The following HEMK2 variants were observed in gnomAD, a reference collection of about 807,000 sequenced individuals.
The protein encoded by HEMK2 is HemK methyltransferase 2, ETF1 glutamine and histone H4 lysine, also known as methyltransferase HEMK2.
At chr21:28,583,672 T>C in the HEMK2 span, among the ~76,000 whole-genome samples, 1 of 152,208 alleles carries the variant, frequency 6.6e-6, no homozygotes, top group Non-Finnish European at 1.5e-5. Flanking sequence ...GTACCATAAT[T>C]GGAAGTCTTG....
chr21:28,595,719 C>A, the HEMK2 span, among the ~76,000 whole-genome samples: 1 of 152,082 alleles, frequency 6.6e-6, no homozygotes, highest in East Asian at 1.9e-4. Context: ...CATTGTATGG[C>A]AACTCTATTT....
At chr21:28,645,853 T>TA in the HEMK2 span, among the ~76,000 whole-genome samples, 2 of 152,174 alleles carry the variant, frequency 1.3e-5, no homozygotes, top group Admixed American at 1.3e-4. Flanking sequence ...GCCTTGCTCT[T>TA]AGACTTTCCA....
At chr21:28,634,065 G>A in the HEMK2 span, among the ~76,000 whole-genome samples, 1 of 152,300 alleles carries the variant, frequency 6.6e-6, no homozygotes, top group East Asian at 1.9e-4. Context: ...CTGACTGCCC[G>A]TGGCGTCACT....
the HEMK2 span, among the ~76,000 whole-genome samples, chr21:28,880,502 C>T: frequency 1.3e-5 from 2 of 152,068 alleles, no homozygotes; most frequent in Non-Finnish European, 2.9e-5. Flanking sequence ...GAGGCCGAGG[C>T]GGGCGGATCA....
chr21:28,614,657 G>T, the HEMK2 span, among the ~76,000 whole-genome samples: 1 of 152,130 alleles, frequency 6.6e-6, no homozygotes, highest in Non-Finnish European at 1.5e-5. Flanking sequence ...ATATAAATTA[G>T]ATTACAGTGA....
At chr21:28,843,797 T>C in the HEMK2 span, among the ~76,000 whole-genome samples, 1 of 152,168 alleles carries the variant, frequency 6.6e-6, no homozygotes, top group African/African-American at 2.4e-5. Context: ...GTATTTTACA[T>C]GCCATTATCC....
At chr21:28,581,263 A>C in the HEMK2 span, among the ~76,000 whole-genome samples, 3 of 152,012 alleles carry the variant, frequency 2.0e-5, no homozygotes, top group South Asian at 4.2e-4. Flanking sequence ...CAAGGAACAA[A>C]AGAAGCCTAG....
the HEMK2 span, among the ~76,000 whole-genome samples, chr21:28,605,214 TG>T: frequency 9.2e-5 from 14 of 152,368 alleles, no homozygotes; most frequent in African/African-American, 3.4e-4. Flanking sequence ...ATTAGAATGC[TG>T]GTTGTTTTGA....
At chr21:28,705,639 C>T in the HEMK2 span, among the ~76,000 whole-genome samples, 1 of 152,146 alleles carries the variant, frequency 6.6e-6, no homozygotes, top group Non-Finnish European at 1.5e-5. Flanking sequence ...TTACCATAAA[C>T]TTAGAGGTTT....
At chr21:28,771,923 G>A in the HEMK2 span, among the ~76,000 whole-genome samples, 1 of 151,792 alleles carries the variant, frequency 6.6e-6, no homozygotes, top group Non-Finnish European at 1.5e-5. Context: ...GGGGTGAGGA[G>A]AGTGGTTACC....
the HEMK2 span, among the ~76,000 whole-genome samples, chr21:28,762,427 T>G: frequency 4.4e-5 from 6 of 136,996 alleles, no homozygotes; most frequent in Non-Finnish European, 7.4e-5. Context: ...TCCAGCCCAC[T>G]ATAAAAACAA....
the HEMK2 span, among the ~76,000 whole-genome samples, chr21:28,738,233 T>A: frequency 6.6e-6 from 1 of 152,214 alleles, no homozygotes; most frequent in South Asian, 2.1e-4. Flanking sequence ...GTGTTCTGTA[T>A]TATTTCCACA....
At chr21:28,624,924 T>C in the HEMK2 span, among the ~76,000 whole-genome samples, 1 of 152,286 alleles carries the variant, frequency 6.6e-6, no homozygotes, top group East Asian at 1.9e-4. Context: ...AATGAGCTAA[T>C]AGATGTCAAG....
At chr21:28,715,443 T>C in the HEMK2 span, among the ~76,000 whole-genome samples, 3 of 152,330 alleles carry the variant, frequency 2.0e-5, no homozygotes, top group African/African-American at 7.2e-5. Flanking sequence ...GTATACCTCA[T>C]TTTAAGAAGT....
the HEMK2 span, among the ~76,000 whole-genome samples, chr21:28,736,255 A>C: frequency 6.6e-6 from 1 of 152,250 alleles, no homozygotes; most frequent in South Asian, 2.1e-4. Context: ...AAGGACAAGC[A>C]AGAAATGTCA....
the HEMK2 span, among the ~76,000 whole-genome samples, chr21:28,591,167 A>G: frequency 2.0e-5 from 3 of 152,220 alleles, no homozygotes; most frequent in African/African-American, 7.2e-5. Flanking sequence ...CCCAAATATG[A>G]CTTCATTAAT....
At chr21:28,755,285 G>A in the HEMK2 span, among the ~76,000 whole-genome samples, 3 of 152,174 alleles carry the variant, frequency 2.0e-5, no homozygotes, top group African/African-American at 7.2e-5. Flanking sequence ...AAATTAGGCC[G>A]GAGGGAGGCA....
chr21:28,666,290 A>T, the HEMK2 span, among the ~76,000 whole-genome samples: 5 of 152,190 alleles, frequency 3.3e-5, no homozygotes, highest in Non-Finnish European at 5.9e-5. Context: ...TTTGGTGAGA[A>T]ATTTACAGAA....
chr21:28,734,164 G>A, the HEMK2 span, among the ~76,000 whole-genome samples: 1 of 152,164 alleles, frequency 6.6e-6, no homozygotes, highest in African/African-American at 2.4e-5. Flanking sequence ...ACACCTGCCT[G>A]ATTATCTTAG....
Sources: allele counts gnomAD v4.1 joint callset (sites outside exome capture counted in the v4.1 genomes callset), GRCh38; gene constraint gnomAD v4.1.1; transcripts MANE v1.5; gene names NCBI Gene and HGNC (gene_info 2026-07-23, HGNC 2026-07-21).